The following ELP4 variants were observed in gnomAD, a reference collection of about 807,000 sequenced individuals.
ELP4 encodes the protein elongator acetyltransferase complex subunit 4.
Under a neutral mutation model 48.9 loss-of-function variants are expected in ELP4, and 51 were observed. That is an observed-to-expected ratio of 1.04 (90% CI 0.83 to 1.32). ELP4 has a LOEUF of 1.32. ELP4 is among the 40% of genes most tolerant of loss of function. ELP4 has a pLI of 0.00. For synonymous variants in ELP4, 210 were observed against 189.2 expected (o/e 1.11, Z -0.90); for missense variants, 519 against 514.6 (o/e 1.01, Z -0.08).
In ELP4 at chr11:31,625,182, A is replaced by G. The variant is rs1370602900; in HGVS notation, c.654-1928A>G. On this transcript the variant is annotated intron_variant, in intron 5 of 9. Coordinates refer to ENST00000640961, the MANE Select transcript of ELP4 (RefSeq NM_019040.5). ...TTTGTTTACACAAGCATCACCATAA[A>G]CGTGAGTAATATGGCTACAACATCA... Among the ~76,000 whole-genome samples the G allele has an allele frequency of 2.6e-5, 4 of 151,696 alleles. No homozygotes were observed. The East Asian group carries it at 5.8e-4, about 22-fold the overall frequency.
intron 9 of ELP4, among the ~76,000 whole-genome samples, chr11:31,758,548 C>T (rs1416112251): frequency 6.6e-6 from 1 of 152,028 alleles, no homozygotes; most frequent in Non-Finnish European, 1.5e-5. Flanking sequence ...CATTTTTTGC[C>T]CAACCCAAGT....
intron 4 of ELP4, among the ~76,000 whole-genome samples, chr11:31,600,729 G>A (rs955671362): frequency 6.6e-6 from 1 of 152,130 alleles, no homozygotes; most frequent in Non-Finnish European, 1.5e-5. Flanking sequence ...GAGGATCAAA[G>A]TGTTTTAAAA....
At position 31,783,681 on chromosome 11, in the gene ELP4, T is replaced by C. The variant is rs940960281; in HGVS notation, c.*157T>C. ...CGCCATTTCTCATTTTTTAACTTTT[T>C]ACAGAACTAGCACAGCAGAAATACT... On this transcript the variant is annotated 3_prime_UTR_variant, in exon 10 of 10. Coordinates refer to ENST00000640961, the MANE Select transcript of ELP4 (RefSeq NM_019040.5). The C allele has an allele frequency of 1.5e-6, 1 of 669,276 alleles. No individual in the cohort carries two copies. Among genetic ancestry groups the C allele is most frequent in the Non-Finnish European group, 2.4e-6 (1 of 414,256 alleles). 41.5% of individuals were successfully genotyped at this position (669,276 alleles called of 1,614,324 possible).
In ELP4 at chr11:31,598,005, G is replaced by A. The variant is rs1242584133; in HGVS notation, c.513+3104G>A. ...GAGTCTTGCTCTGTCACCCAGGCTG[G>A]AGTACAGTGGCACGATCTCAGCTCA... On this transcript the variant is annotated intron_variant, in intron 4 of 9. Coordinates refer to ENST00000640961, the MANE Select transcript of ELP4 (RefSeq NM_019040.5). 2.3e-5 allele frequency among the ~76,000 whole-genome samples: 3 copies of A among 132,872 alleles called. No homozygotes were observed. In the Admixed American group the frequency reaches 2.6e-4, roughly 12 times the overall value. The allele number at this position is 132,872 out of a possible 152,430, so 87.2% of individuals were successfully genotyped here. A position where few individuals can be genotyped will look rare whatever the true frequency, so the allele number is the denominator to read the frequency against.
intron 9 of ELP4, among the ~76,000 whole-genome samples, chr11:31,698,458 G>A (rs1946456746): frequency 6.6e-6 from 1 of 152,058 alleles, no homozygotes; most frequent in Non-Finnish European, 1.5e-5. Context: ...TGTCACCTAG[G>A]CTGGAGTGCA....
Position 31,771,456 on chromosome 11 carries a change from G to A in ELP4, c.1144-11937G>A, listed in dbSNP as rs896436508. 2.7e-4 allele frequency among the ~76,000 whole-genome samples: 41 copies of A among 152,094 alleles called. 1 individual carries two copies. The highest frequency in any genetic ancestry group is 9.2e-4 in the African/African-American group (38 of 41,396). ...CTTCCTTGCTACCCCTTGCCCTTAA[G>A]AATTAAATCCAAGTCACTTACTACA... On this transcript the variant is annotated intron_variant, in intron 9 of 9. Coordinates refer to ENST00000640961, the MANE Select transcript of ELP4 (RefSeq NM_019040.5).
intron 7 of ELP4, 158 bp from the exon 8 acceptor site, chr11:31,647,583 C>G (rs2134069826): frequency 3.9e-6 from 2 of 516,780 alleles, no homozygotes; most frequent in Admixed American, 3.3e-5. Flanking sequence ...ATATTTCCAT[C>G]CAGTTTTCAG....
At chr11:31,615,971 T>A (rs1944471077) in intron 5 of ELP4, among the ~76,000 whole-genome samples, 1 of 152,088 alleles carries the variant, frequency 6.6e-6, no homozygotes, top group Non-Finnish European at 1.5e-5. Context: ...TATTTTTATT[T>A]TTTCATATTA....
chr11:31,605,485 A>G (rs11031429), intron 5 of ELP4, among the ~76,000 whole-genome samples: 41,302 of 151,946 alleles, frequency 0.27, 5,945 homozygotes, highest in African/African-American at 0.36. Context: ...CCCAGGTTCA[A>G]AGTAAATTCT....
chr11:31,521,110 G>A (rs77638983), intron 2 of ELP4, among the ~76,000 whole-genome samples: 3 of 152,056 alleles, frequency 2.0e-5, no homozygotes, highest in African/African-American at 7.2e-5. Context: ...AAAATACAAA[G>A]TGGTGATGCT....
chr11:31,762,232 T>C (rs1005282007), intron 9 of ELP4: 1 of 152,106 alleles, frequency 6.6e-6, no homozygotes, highest in African/African-American at 2.4e-5. Flanking sequence ...ACAAATTAGA[T>C]TATATGAAAA....
intron 5 of ELP4, among the ~76,000 whole-genome samples, chr11:31,620,240 T>C (rs149828408): frequency 3.4e-4 from 51 of 152,138 alleles, no homozygotes; most frequent in Non-Finnish European, 7.5e-4. Context: ...GACAGAGAGT[T>C]GTGTTTAACA....
At chr11:31,671,904 C>A (rs1456897431) in intron 9 of ELP4, among the ~76,000 whole-genome samples, 1 of 152,202 alleles carries the variant, frequency 6.6e-6, no homozygotes, top group East Asian at 1.9e-4. Flanking sequence ...GGTTTAGCTG[C>A]TAGCAGCTAA....
At position 31,650,142 on chromosome 11, in the gene ELP4, G is replaced by T. The variant is rs376061277; in HGVS notation, c.1064G>T (p.Arg355Leu). The T allele has an allele frequency of 1.3e-6, 2 of 1,523,620 alleles. No individual in the cohort carries two copies. The highest frequency in any genetic ancestry group is 2.3e-5 in the East Asian group (1 of 43,852). 94.4% of individuals were successfully genotyped at this position (1,523,620 alleles called of 1,614,324 possible). ...HGLIHIRQIP[R>L]LNNLICDESD... ...TTGATTCATATACGGCAGATTCCTCGGCTTAATAACTTGATCTGTGATGAA... is the reference window on the plus strand; with the variant it reads ...TTGATTCATATACGGCAGATTCCTCTGCTTAATAACTTGATCTGTGATGAA... Residue 355 changes from arginine (R) to leucine (L), a missense_variant, in exon 9 of 10, where the codon CGG becomes CTG. Arg to Leu is a moderately radical substitution (Grantham distance 102, BLOSUM62 -2). Transcript: ENST00000640961.
intron 4 of ELP4, among the ~76,000 whole-genome samples, chr11:31,597,804 T>C (rs1447583810): frequency 6.6e-6 from 1 of 151,920 alleles, no homozygotes; most frequent in African/African-American, 2.4e-5. Flanking sequence ...TGACCTCAGG[T>C]GATCTGCCTG....
At chr11:31,739,224 T>C (rs1184935291) in intron 9 of ELP4, among the ~76,000 whole-genome samples, 3 of 152,218 alleles carry the variant, frequency 2.0e-5, no homozygotes, top group Non-Finnish European at 4.4e-5. Context: ...ATTAAAATTC[T>C]CTGAGACTAA....
At chr11:31,568,719 A>C (rs1411092344) in intron 3 of ELP4, among the ~76,000 whole-genome samples, 1 of 152,228 alleles carries the variant, frequency 6.6e-6, no homozygotes, top group African/African-American at 2.4e-5. Context: ...AAAACTGGCT[A>C]TCCACGTGAA....
chr11:31,642,677 G>T (rs1046580324), intron 7 of ELP4, among the ~76,000 whole-genome samples: 1 of 151,562 alleles, frequency 6.6e-6, no homozygotes, highest in African/African-American at 2.4e-5. Flanking sequence ...TTGAAGTTCC[G>T]TGTTAAATCT....
chr11:31,600,808 G>A (rs1957767628), intron 4 of ELP4, among the ~76,000 whole-genome samples: 1 of 151,942 alleles, frequency 6.6e-6, no homozygotes, highest in Non-Finnish European at 1.5e-5. Flanking sequence ...AGTAAGAAAA[G>A]GTCTTATTTA....
Sources: gnomAD v4.1 joint callset for allele counts (sites outside exome capture counted in the v4.1 genomes callset) on GRCh38, gnomAD v4.1.1 for gene constraint, MANE v1.5 for transcripts, NCBI Gene and HGNC (gene_info 2026-07-23, HGNC 2026-07-21) for gene names.